Variants in UQCRH observed in about 807,000 individuals in gnomAD.
UQCRH encodes cytochrome b-c1 complex subunit 6, mitochondrial.
In UQCRH, 14 loss-of-function variants were observed where a neutral mutation model predicts 16.3. The ratio of observed to expected loss-of-function variants is 0.86; its 90% CI spans 0.57 to 1.34. UQCRH has a LOEUF of 1.34. Ranked by LOEUF, UQCRH falls within the 40% of genes most tolerant of loss-of-function variation. The pLI, the probability that UQCRH is intolerant of heterozygous loss-of-function variation, is 0.00. For missense variants in UQCRH, 89 were observed against 111.9 expected (o/e 0.80, Z 0.92); for synonymous variants, 41 against 41.9 (o/e 0.98, Z 0.08).
intron 1 of UQCRH, among the ~76,000 whole-genome samples, chr1:46,306,507 G>A (rs7548226): frequency 0.031 from 4,751 of 151,340 alleles, 110 homozygotes; most frequent in African/African-American, 0.054. Context: ...CCGAGTAGCT[G>A]GGACTACAGG....
intron 2 of UQCRH, chr1:46,309,918 C>T: frequency 7.0e-7 from 1 of 1,423,684 alleles, no homozygotes; most frequent in South Asian, 1.5e-5. Context: ...GCTTTCAGTG[C>T]ATACTGGCAA....
chr1:46,309,020 C>T (rs1050580956), intron 1 of UQCRH, 81 bp from the exon 2 acceptor site: 4 of 1,454,930 alleles, frequency 2.7e-6, no homozygotes, highest in East Asian at 2.3e-5. Context: ...CAGTGTCTAT[C>T]GTCAGTAATT....
Position 46,316,729 on chromosome 1 carries a change from T to G in UQCRH, c.*145T>G. On this transcript the variant is annotated 3_prime_UTR_variant, in exon 4 of 4. Transcript: ENST00000311672. ...GTTTGGCTTAGGCTGGTAGCTTCTA[T>G]GTAATTCGCAATGATTCCATCTAAA... The G allele has an allele frequency of 4.2e-6, 5 of 1,183,092 alleles. No individual in the cohort carries two copies. 73.3% of individuals were successfully genotyped at this position (1,183,092 alleles called of 1,614,324 possible). A position where few individuals can be genotyped will look rare whatever the true frequency, so the allele number is the denominator to read the frequency against.
chr1:46,312,450 C>T (rs986824740), intron 3 of UQCRH, among the ~76,000 whole-genome samples: 8 of 151,948 alleles, frequency 5.3e-5, no homozygotes, highest in Admixed American at 3.9e-4. Context: ...GGGATTTTGC[C>T]GTGTTGCCCA....
At chr1:46,306,237 CAA>C (rs1301915654) in intron 1 of UQCRH, among the ~76,000 whole-genome samples, 1 of 152,112 alleles carries the variant, frequency 6.6e-6, no homozygotes. Flanking sequence ...ATTTTTGACA[CAA>C]AATTATCAGT....
At chr1:46,309,032 C>T in intron 1 of UQCRH, 69 bp from the exon 2 acceptor site, 3 of 1,522,430 alleles carry the variant, frequency 2.0e-6, no homozygotes, top group Non-Finnish European at 2.7e-6. Flanking sequence ...TCAGTAATTA[C>T]ATCAGTATGA....
intron 3 of UQCRH, among the ~76,000 whole-genome samples, chr1:46,316,221 T>C (rs1441646542): frequency 6.6e-6 from 1 of 152,186 alleles, no homozygotes; most frequent in East Asian, 1.9e-4. Context: ...ACCTGGCATA[T>C]AGGAGATGTC....
intron 1 of UQCRH, among the ~76,000 whole-genome samples, chr1:46,307,492 C>T (rs1376091121): frequency 2.6e-5 from 4 of 152,224 alleles, no homozygotes; most frequent in Admixed American, 1.3e-4. Flanking sequence ...TCTTTCCTTG[C>T]CCCCAAATGT....
At chr1:46,314,231 T>C (rs1247774033) in intron 3 of UQCRH, among the ~76,000 whole-genome samples, 2 of 151,950 alleles carry the variant, frequency 1.3e-5, no homozygotes, top group Non-Finnish European at 2.9e-5. Context: ...CCGGGCATGG[T>C]GGCGGGTGCT....
In UQCRH at chr1:46,316,679, C is replaced by G. The variant is rs1661594291; in HGVS notation, c.*95C>G. The G allele has an allele frequency of 6.4e-6, 10 of 1,561,624 alleles. No individual in the cohort carries two copies. Among genetic ancestry groups the G allele is most frequent in the South Asian group, 1.2e-5 (1 of 86,144 alleles). On this transcript the variant is annotated 3_prime_UTR_variant, in exon 4 of 4. Transcript: ENST00000311672. The stretch of plus-strand genomic sequence containing the variant: ...TACCATTTGTTTCTTATTTGTGTAA[C>G]TGTAAGTTCACATGAACCTCATGGG...
In UQCRH at chr1:46,312,245, G is replaced by A. The variant is rs189003111; in HGVS notation, c.243+1929G>A. 8.6e-5 allele frequency among the ~76,000 whole-genome samples: 13 copies of A among 151,820 alleles called. No individual in the cohort carries two copies. In the South Asian group the frequency reaches 1.0e-3, roughly 12 times the overall value. On this transcript the variant is annotated intron_variant, in intron 3 of 3. Coordinates refer to ENST00000311672, the MANE Select transcript of UQCRH (RefSeq NM_006004.4). The stretch of plus-strand genomic sequence containing the variant: ...CAAGTAACTGGGATTAAAGGTGCAC[G>A]CCACCACACCCAGCTAATTTTTTGT...
chr1:46,304,681 G>C (rs1661331312), intron 1 of UQCRH, among the ~76,000 whole-genome samples: 1 of 151,208 alleles, frequency 6.6e-6, no homozygotes, highest in South Asian at 2.1e-4. Flanking sequence ...CACCGCGCCC[G>C]GCCCTAATTC....
intron 3 of UQCRH, 94 bp from the exon 4 acceptor site, chr1:46,316,454 TGAGA>T: frequency 1.3e-6 from 2 of 1,521,604 alleles, no homozygotes; most frequent in Admixed American, 1.8e-5. Flanking sequence ...AGGGGAGTGG[TGAGA>T]AGAGGGGCAG....
Position 46,310,273 on chromosome 1 carries a change from G to A in UQCRH, c.200G>A (p.Cys67Tyr), listed in dbSNP as rs1294350493. ...TCTCGATCACATACAGAAGAGGATT[G>A]CACGGAGGAGCTCTTTGACTTCTTG... ...VSSRSHTEED[C>Y]TEELFDFLHA... The change falls in exon 3 of 4, where the codon TGC becomes TAC. Residue 67 changes from cysteine (C) to tyrosine (Y), a missense_variant. Physicochemically the swap from Cys to Tyr is radical, Grantham distance 194. Coordinates refer to ENST00000311672, the MANE Select transcript of UQCRH (RefSeq NM_006004.4). The A allele has an allele frequency of 6.2e-7, 1 of 1,614,050 alleles. No homozygotes were observed. Among genetic ancestry groups the A allele is most frequent in the East Asian group, 2.2e-5 (1 of 44,896 alleles).
intron 1 of UQCRH, among the ~76,000 whole-genome samples, chr1:46,305,338 A>G (rs1661350805): frequency 6.7e-6 from 1 of 148,448 alleles, no homozygotes; most frequent in Non-Finnish European, 1.5e-5. Context: ...AAAGAAATGG[A>G]GCCTGCCTCA....
rs1418846900 is a variant in UQCRH, at chr1:46,316,551, G to C, written c.244-1G>C. On this transcript the variant is annotated splice_acceptor_variant, in intron 3 of 3. Transcript: ENST00000311672. LOFTEE classifies it high-confidence loss of function. ...TACCTCCTTTTCTTTCCCCCATCTA[G>C]GTGGCCCACAAACTCTTTAACAACT... 2 of 1,613,444 alleles carry C rather than the reference G, an allele frequency of 1.2e-6. No individual in the cohort carries two copies. Among genetic ancestry groups the C allele is most frequent in the South Asian group, 2.2e-5 (2 of 91,014 alleles).
In UQCRH at chr1:46,310,999, C is replaced by T. The variant is rs561463069; in HGVS notation, c.243+683C>T. ...GGAGAATGGCGTGAACCCGGGGAAG[C>T]GGAGCTTGCAGTGAGCCGAGATTGC... On this transcript the variant is annotated intron_variant, in intron 3 of 3. Coordinates refer to ENST00000311672, the MANE Select transcript of UQCRH (RefSeq NM_006004.4). Among the ~76,000 whole-genome samples the T allele has an allele frequency of 2.0e-5, 3 of 150,432 alleles. No individual in the cohort carries two copies. The South Asian group carries it at 6.3e-4, about 32-fold the overall frequency.
At chr1:46,304,996 C>G (rs894506300) in intron 1 of UQCRH, among the ~76,000 whole-genome samples, 3 of 152,060 alleles carry the variant, frequency 2.0e-5, no homozygotes, top group Non-Finnish European at 4.4e-5. Flanking sequence ...CTTAATTTTT[C>G]TAGTCTTATT....
At chr1:46,310,123 C>A in intron 2 of UQCRH, 32 bp from the exon 3 acceptor site, 1 of 1,614,038 alleles carries the variant, frequency 6.2e-7, no homozygotes, top group Non-Finnish European at 8.5e-7. Flanking sequence ...GCTAAAAATG[C>A]CCATTTTGTT....
Sources: allele counts gnomAD v4.1 joint callset (sites outside exome capture counted in the v4.1 genomes callset), GRCh38; gene constraint gnomAD v4.1.1; transcripts MANE v1.5; gene names NCBI Gene and HGNC (gene_info 2026-07-23, HGNC 2026-07-21).